Variants in NUDCD3 observed in about 807,000 individuals in gnomAD.
NUDCD3 encodes NudC domain containing 3.
NUDCD3 carries 13 observed loss-of-function variants against 39.7 expected under a neutral mutation model. The observed-to-expected ratio is 0.33, with a 90% confidence interval of 0.21 to 0.52. The LOEUF (loss-of-function observed/expected upper bound fraction) is 0.52, where lower values mean the gene tolerates loss of function less well. NUDCD3 is among the 20% of genes least tolerant of loss of function. The pLI, the probability that NUDCD3 is intolerant of heterozygous loss-of-function variation, is 0.96. For synonymous variants in NUDCD3, 175 were observed against 172.4 expected, an observed-to-expected ratio of 1.02 and a Z score of -0.12; for missense variants, 453 against 458.1, an observed-to-expected ratio of 0.99 and a Z score of 0.10.
At chr7:44,388,430 G>A (rs1158394688) in intron 5 of NUDCD3, among the ~76,000 whole-genome samples, 2 of 152,190 alleles carry the variant, frequency 1.3e-5, no homozygotes, top group Non-Finnish European at 2.9e-5. Context: ...GCTACATGAG[G>A]CCACATGAGG....
chr7:44,416,907 C>T (rs1405783315), intron 3 of NUDCD3, among the ~76,000 whole-genome samples: 1 of 152,150 alleles, frequency 6.6e-6, no homozygotes, highest in Admixed American at 6.5e-5. Flanking sequence ...GGGTGCACAG[C>T]GACTGCCTGC....
chr7:44,412,820 A>G (rs952293794), intron 3 of NUDCD3, among the ~76,000 whole-genome samples: 3 of 151,044 alleles, frequency 2.0e-5, no homozygotes, highest in Non-Finnish European at 4.4e-5. Flanking sequence ...CCAGCTACTC[A>G]GGAGGCTGAG....
At chr7:44,476,097 G>C (rs758646488) in intron 2 of NUDCD3, among the ~76,000 whole-genome samples, 6 of 152,054 alleles carry the variant, frequency 3.9e-5, no homozygotes, top group Non-Finnish European at 7.4e-5. Flanking sequence ...CTCTACAAAG[G>C]GGTCTCCTGC....
intron 1 of NUDCD3, 61 bp from the exon 2 acceptor site, chr7:44,485,345 G>C: frequency 7.4e-7 from 1 of 1,350,658 alleles, no homozygotes; most frequent in Non-Finnish European, 1.0e-6. Flanking sequence ...CACATATCTT[G>C]TAGAAATGTC....
At chr7:44,426,312 C>T (rs1799233919) in intron 3 of NUDCD3, 1 of 218,502 alleles carries the variant, frequency 4.6e-6, no homozygotes, top group Non-Finnish European at 7.8e-6. Flanking sequence ...TATCAGTGCA[C>T]AAACTACAGA....
intron 2 of NUDCD3, chr7:44,468,349 C>CAAAAAAAA (rs77181470): frequency 3.1e-5 from 12 of 381,094 alleles, no homozygotes; most frequent in South Asian, 1.5e-4. Flanking sequence ...GTAAAAACTG[C>CAAAAAAAA]AAAAAAAAAA....
chr7:44,445,159 T>C (rs10277736), intron 2 of NUDCD3, among the ~76,000 whole-genome samples: 20,584 of 152,170 alleles, frequency 0.14, 1,728 homozygotes, highest in Non-Finnish European at 0.19. Flanking sequence ...AAGAACACAG[T>C]GCTATCTCTA....
Position 44,396,126 on chromosome 7 carries a change from T to TG in NUDCD3, c.787-3642_787-3641insC, listed in dbSNP as rs1563164530. ...GTGTGTGTGTGTGTGTGTGTGTGTG[T>TG]TTAATTACAGCCATCCCACAGGTGT... On this transcript the variant is annotated intron_variant, in intron 4 of 5. Coordinates refer to ENST00000355451, the MANE Select transcript of NUDCD3 (RefSeq NM_015332.4). Among the ~76,000 whole-genome samples, 1,175 of 148,070 alleles carry TG rather than the reference T, an allele frequency of 7.9e-3. 9 individuals are homozygous for TG. The highest frequency in any genetic ancestry group is 0.027 in the African/African-American group (1,090 of 41,044).
chr7:44,391,422 G>A (rs151271448), intron 5 of NUDCD3, among the ~76,000 whole-genome samples: 13 of 152,284 alleles, frequency 8.5e-5, no homozygotes, highest in East Asian at 1.9e-4. Context: ...GTGCTGTACC[G>A]GAAGGTAAGA....
chr7:44,441,256 G>A (rs1799578947), intron 2 of NUDCD3, among the ~76,000 whole-genome samples: 1 of 152,196 alleles, frequency 6.6e-6, no homozygotes, highest in Admixed American at 6.5e-5. Flanking sequence ...TCAGTATGTG[G>A]AGGGCACTGT....
chr7:44,410,445 G>A (rs1034773697), intron 3 of NUDCD3, among the ~76,000 whole-genome samples: 24 of 152,000 alleles, frequency 1.6e-4, no homozygotes, highest in African/African-American at 5.6e-4. Context: ...GGTGGATCAC[G>A]AGGTCAGAAG....
At chr7:44,404,013 G>A (rs1798772474) in intron 4 of NUDCD3, among the ~76,000 whole-genome samples, 1 of 152,170 alleles carries the variant, frequency 6.6e-6, no homozygotes, top group Non-Finnish European at 1.5e-5. Flanking sequence ...TAACATGTGA[G>A]CTGTTCATTT....
Position 44,384,654 on chromosome 7 carries a change from C to T in NUDCD3, c.*1357G>A, listed in dbSNP as rs1043084. ...CGGGGACCTTCCCCTGACAATAGGC[C>T]CTCTTAGCATCTGCGGGCCTTGATT... On this transcript the variant is annotated 3_prime_UTR_variant, in exon 6 of 6. Transcript: ENST00000355451. The T allele has an allele frequency of 0.21, 32,470 of 152,204 alleles. 3,815 individuals carry two copies. Among genetic ancestry groups the T allele is most frequent in the African/African-American group, 0.27 (10,995 of 41,490 alleles). The allele number at this position is 152,204 out of a possible 1,614,324, so 9.4% of individuals were successfully genotyped here.
chr7:44,456,056 A>C (rs371138503), intron 2 of NUDCD3, among the ~76,000 whole-genome samples: 15,107 of 142,934 alleles, frequency 0.11, 1,395 homozygotes, highest in Non-Finnish European at 0.17. Context: ...AAAAACAAAA[A>C]AACAAACAAC....
intron 5 of NUDCD3, among the ~76,000 whole-genome samples, chr7:44,391,643 T>C (rs535589130): frequency 2.0e-5 from 3 of 152,306 alleles, no homozygotes; most frequent in Non-Finnish European, 4.4e-5. Flanking sequence ...ACCCACGTGC[T>C]GGGTATATGG....
At chr7:44,455,676 G>T (rs950149082) in intron 2 of NUDCD3, among the ~76,000 whole-genome samples, 1 of 152,180 alleles carries the variant, frequency 6.6e-6, no homozygotes, top group Non-Finnish European at 1.5e-5. Flanking sequence ...GTAAGAACAC[G>T]TGTAAGAGCA....
chr7:44,402,536 G>T (rs1798745237), intron 4 of NUDCD3: 1 of 411,098 alleles, frequency 2.4e-6, no homozygotes, highest in Non-Finnish European at 5.0e-6. Flanking sequence ...AATCCCAAAA[G>T]ATTCCAAATA....
At chr7:44,450,843 C>T (rs1283883193) in intron 2 of NUDCD3, among the ~76,000 whole-genome samples, 1 of 152,076 alleles carries the variant, frequency 6.6e-6, no homozygotes, top group Non-Finnish European at 1.5e-5. Context: ...GGTCATAGCA[C>T]AAATGGTCAT....
intron 5 of NUDCD3, among the ~76,000 whole-genome samples, chr7:44,388,914 C>T (rs1019446970): frequency 6.6e-6 from 1 of 152,272 alleles, no homozygotes; most frequent in African/African-American, 2.4e-5. Context: ...GCTCTTTCCA[C>T]TGGACCACAG....
Sources: gnomAD v4.1 joint callset for allele counts (sites outside exome capture counted in the v4.1 genomes callset) on GRCh38, gnomAD v4.1.1 for gene constraint, MANE v1.5 for transcripts, NCBI Gene and HGNC (gene_info 2026-07-23, HGNC 2026-07-21) for gene names.